The following PLS3 variants were observed in gnomAD, a reference collection of about 807,000 sequenced individuals.
The protein encoded by PLS3 is plastin-3.
A neutral mutation model predicts 46.5 loss-of-function variants in PLS3; 11 were observed. That is an observed-to-expected ratio of 0.24 (90% CI 0.15 to 0.39). PLS3 has a LOEUF of 0.39. Among genes scored for constraint, PLS3 ranks in the 10% least tolerant of loss-of-function variants. PLS3 has a pLI of 1.00. For missense variants in PLS3, 308 were observed against 461.8 expected (o/e 0.67, Z 3.05); for synonymous variants, 167 against 162.2 (o/e 1.03, Z -0.22).
intron 2 of PLS3, among the ~76,000 whole-genome samples, chrX:115,615,057 C>T (rs782347400): frequency 1.8e-5 from 2 of 111,226 alleles, no homozygotes; most frequent in African/African-American, 3.3e-5. Flanking sequence ...CACACGCATA[C>T]ACACACAACC....
rs1556641984 is a variant in PLS3 at position 115,647,915 on chromosome X, T to C, written c.1658T>C (p.Leu553Ser). The change falls in exon 15 of 16, where the codon TTG (leucine) becomes TCG (serine). Residue 553 changes from leucine (L) to serine (S), a missense_variant. This residue lies in a region of PLS3 where 271 missense variants were observed against 435.7 expected (regional missense o/e 0.62). Transcript: ENST00000355899. ...TAGGACAAGACGATCAGCTCCAGTT[T>C]GGCAGTTGTGGATTTAATTGATGCC... Reference protein sequence around the residue: ...SFKDKTISSSLAVVDLIDAIQ... With the variant: ...SFKDKTISSSSAVVDLIDAIQ... The C allele has an allele frequency of 8.3e-7, 1 of 1,200,650 alleles. No individual in the cohort carries two copies. The highest frequency in any genetic ancestry group is 1.1e-6 in the Non-Finnish European group (1 of 886,673).
rs181979251 is a variant in PLS3 at position 115,576,088 on chromosome X, C to T, written c.-9+14828C>T. Among the ~76,000 whole-genome samples the T allele has an allele frequency of 1.3e-4, 14 of 111,594 alleles. No individual in the cohort carries two copies. The East Asian group carries it at 3.4e-3, about 27-fold the overall frequency. On this transcript the variant is annotated intron_variant, in intron 1 of 15. Coordinates refer to ENST00000355899, the MANE Select transcript of PLS3 (RefSeq NM_005032.7). ...GTACTATTCAAGTGTGAAATATATC[C>T]ATATAGAACAAAATTCAAAACTCAC...
In PLS3 at chrX:115,643,351, A is replaced by T; in HGVS notation, c.1026A>T (p.Gln342His). Residue 342 changes from glutamine to histidine, a missense_variant, in exon 10 of 16, where the codon CAA becomes CAT. Gln to His is a conservative substitution (Grantham distance 24). Coordinates refer to ENST00000355899, the MANE Select transcript of PLS3 (RefSeq NM_005032.7). ...TGAAGAGAGCTGAGAGTATGCTTCA[A>T]CAAGCAGATAAATTAGGTTGCAGAC... The part of the protein sequence containing the change: ...DDLKRAESML[Q>H]QADKLGCRQF... The T allele has an allele frequency of 8.3e-7, 1 of 1,200,597 alleles. No homozygotes were observed. Among genetic ancestry groups the T allele is most frequent in the Non-Finnish European group, 1.1e-6 (1 of 885,932 alleles).
intron 6 of PLS3, 25 bp from the exon 7 acceptor site, chrX:115,634,856 A>G: frequency 8.4e-7 from 1 of 1,189,574 alleles, no homozygotes; most frequent in Non-Finnish European, 1.1e-6. Context: ...TCAAGAAGCA[A>G]GTGTGTAATT....
At chrX:115,639,642 A>G (rs1343934447) in intron 8 of PLS3, 2 of 310,537 alleles carry the variant, frequency 6.4e-6, no homozygotes, top group African/African-American at 5.4e-5. Context: ...CCGGTCCTCT[A>G]GCATTCCAAA....
chrX:115,614,666 T>A, intron 2 of PLS3: 1 of 387,708 alleles, frequency 2.6e-6, no homozygotes, highest in Non-Finnish European at 3.3e-6. Flanking sequence ...GAATATAGTT[T>A]AAATTCTTCT....
intron 3 of PLS3, among the ~76,000 whole-genome samples, chrX:115,625,680 T>G (rs1215436435): frequency 3.6e-5 from 4 of 111,254 alleles, no homozygotes; most frequent in African/African-American, 9.8e-5. Flanking sequence ...AATTCAATCC[T>G]GCCTCTTTGG....
chrX:115,576,104 C>T (rs1321777986), intron 1 of PLS3, among the ~76,000 whole-genome samples: 1 of 111,741 alleles, frequency 8.9e-6, no homozygotes, highest in Non-Finnish European at 1.9e-5. Context: ...GAACAAAATT[C>T]AAAACTCACA....
At chrX:115,605,476 G>C (rs1207038070) in intron 1 of PLS3, among the ~76,000 whole-genome samples, 1 of 111,148 alleles carries the variant, frequency 9.0e-6, no homozygotes, top group African/African-American at 3.3e-5. Flanking sequence ...TTTTTATTGA[G>C]ACAGGGTCTT....
intron 3 of PLS3, among the ~76,000 whole-genome samples, chrX:115,627,178 C>T (rs939462020): frequency 6.3e-5 from 7 of 111,368 alleles, no homozygotes; most frequent in African/African-American, 1.3e-4. Context: ...GTTATTAGTT[C>T]GAATTCCCAG....
chrX:115,567,883 AATAT>A (rs1428610104), intron 1 of PLS3, among the ~76,000 whole-genome samples: 2 of 110,033 alleles, frequency 1.8e-5, no homozygotes, highest in East Asian at 5.7e-4. Flanking sequence ...CGTGATATAT[AATAT>A]AAGTTTTTAC....
intron 1 of PLS3, among the ~76,000 whole-genome samples, chrX:115,602,320 A>G (rs782420678): frequency 7.1e-5 from 8 of 112,064 alleles, no homozygotes; most frequent in Non-Finnish European, 1.3e-4. Flanking sequence ...TTAATGCTTG[A>G]TTAATATAAA....
intron 3 of PLS3, among the ~76,000 whole-genome samples, chrX:115,628,129 G>A (rs1425841187): frequency 8.9e-6 from 1 of 112,147 alleles, no homozygotes; most frequent in East Asian, 2.8e-4. Flanking sequence ...GGCTTGGTTA[G>A]TATAGCTTGG....
At chrX:115,582,174 C>G (rs1556631901) in intron 1 of PLS3, among the ~76,000 whole-genome samples, 1 of 112,252 alleles carries the variant, frequency 8.9e-6, no homozygotes, top group African/African-American at 3.2e-5. Flanking sequence ...TGAGCCAGGA[C>G]AGTCTGCCTC....
At position 115,564,923 on chromosome X, in the gene PLS3, A is replaced by C. The variant is rs141951536; in HGVS notation, c.-9+3663A>C. ...TGGTGAAGAGTGATCCAGAAGGCAA[A>C]ATTTTTGATCTGTGAAAATAATACA... On this transcript the variant is annotated intron_variant, in intron 1 of 15. Coordinates refer to ENST00000355899, the MANE Select transcript of PLS3 (RefSeq NM_005032.7). Among the ~76,000 whole-genome samples the C allele has an allele frequency of 3.9e-3, 437 of 111,803 alleles. 2 individuals carry two copies. Among genetic ancestry groups the C allele is most frequent in the African/African-American group, 0.013 (406 of 30,800 alleles).
At chrX:115,567,116 C>G (rs1328684739) in intron 1 of PLS3, among the ~76,000 whole-genome samples, 3 of 111,958 alleles carry the variant, frequency 2.7e-5, no homozygotes, top group Non-Finnish European at 5.6e-5. Context: ...GTTACAGAGT[C>G]CATTGGCTTA....
chrX:115,647,484 CT>C (rs1556641907), intron 13 of PLS3, 65 bp from the exon 14 acceptor site: 1 of 1,013,596 alleles, frequency 9.9e-7, no homozygotes, highest in African/African-American at 1.9e-5. Context: ...GATAAAGCAT[CT>C]TTCTGATGTT....
intron 2 of PLS3, among the ~76,000 whole-genome samples, chrX:115,613,677 G>A (rs1211771739): frequency 2.7e-5 from 3 of 111,152 alleles, no homozygotes; most frequent in Non-Finnish European, 3.8e-5. Flanking sequence ...GTGGGTGCAT[G>A]GGTAAAAGCA....
intron 2 of PLS3, among the ~76,000 whole-genome samples, chrX:115,613,775 G>A (rs1391618778): frequency 3.6e-5 from 4 of 109,940 alleles, no homozygotes; most frequent in Non-Finnish European, 7.6e-5. Flanking sequence ...TGGGATTACA[G>A]GCTTGAGCCA....
Sources: gnomAD v4.1 joint callset for allele counts (sites outside exome capture counted in the v4.1 genomes callset) on GRCh38, gnomAD v4.1.1 for gene constraint, gnomAD v4.1.1 regional missense constraint, MANE v1.5 for transcripts, NCBI Gene and HGNC (gene_info 2026-07-23, HGNC 2026-07-21) for gene names.